CHRND: variants seen among roughly 807,000 people sequenced by gnomAD.
CHRND encodes the protein acetylcholine receptor subunit delta.
Under a neutral mutation model 57.8 loss-of-function variants are expected in CHRND, and 40 were observed. The ratio of observed to expected loss-of-function variants is 0.69; its 90% CI spans 0.54 to 0.90. The LOEUF is 0.90. Among genes scored for constraint, CHRND ranks in the 40% least tolerant of loss-of-function variants. CHRND has a pLI of 0.00. For missense variants in CHRND, 634 were observed against 673.9 expected (o/e 0.94, Z 0.66); for synonymous variants, 237 against 270.6 (o/e 0.88, Z 1.22).
In CHRND at chr2:232,535,490, AC is replaced by A; in HGVS notation, c.*181del. On this transcript the variant is annotated 3_prime_UTR_variant, in exon 12 of 12. Coordinates refer to ENST00000258385, the MANE Select transcript of CHRND (RefSeq NM_000751.3). ...CTCCCCTGAAATCAAGACAGGGGCC[AC>A]CCGAGATGGTCTGAGGGTGGACATC... The A allele has an allele frequency of 1.2e-6, 1 of 815,124 alleles. No individual in the cohort carries two copies. The highest frequency in any genetic ancestry group is 2.0e-6 in the Non-Finnish European group (1 of 491,204). 50.5% of individuals were successfully genotyped at this position (815,124 alleles called of 1,614,324 possible). A position where few individuals can be genotyped will look rare whatever the true frequency, so the allele number is the denominator to read the frequency against.
chr2:232,533,196 T>G (rs1029337264), intron 9 of CHRND, among the ~76,000 whole-genome samples: 1 of 152,138 alleles, frequency 6.6e-6, no homozygotes, highest in Non-Finnish European at 1.5e-5. Context: ...AATTTTTGTA[T>G]TTTTAGTAGC....
rs138609765 is a variant in CHRND at position 232,526,260 on chromosome 2, G to T, written c.45G>T (p.Ala15=). The change falls in exon 1 of 12, where the codon GCG becomes GCT. Residue 15 remains alanine, a synonymous_variant. Transcript: ENST00000258385. Reference sequence around the variant, plus strand: ...CACTGGGGCTGCTGGCTGCCCTGGCGGTGTGTGGTAAGGGAAGACACCCTC... The same window carrying T: ...CACTGGGGCTGCTGGCTGCCCTGGCTGTGTGTGGTAAGGGAAGACACCCTC... The part of the protein sequence containing the change: ...VLTLGLLAAL[A]VCGSWGLNEE... 1 of 1,612,904 alleles carries T rather than the reference G, an allele frequency of 6.2e-7. No homozygotes were observed. The highest frequency in any genetic ancestry group is 8.5e-7 in the Non-Finnish European group (1 of 1,179,762).
chr2:232,529,068 A>G (rs1313949301), intron 6 of CHRND, 97 bp downstream of exon 6: 1 of 828,798 alleles, frequency 1.2e-6, no homozygotes, highest in Non-Finnish European at 2.1e-6. Context: ...GCACACACAC[A>G]CACACTTAGG....
intron 3 of CHRND, among the ~76,000 whole-genome samples, chr2:232,527,876 G>A (rs1405578827): frequency 6.6e-6 from 1 of 152,210 alleles, no homozygotes; most frequent in East Asian, 1.9e-4. Flanking sequence ...TCCCTACAGG[G>A]AAGCCCCAGG....
Position 232,536,620 on chromosome 2 carries a change from C to T in CHRND, c.*1308C>T, listed in dbSNP as rs1436899978. On this transcript the variant is annotated 3_prime_UTR_variant, in exon 12 of 12. Transcript: ENST00000258385. ...GCTAAGTGACTCCTGGATTCCTGAC[C>T]CCCAGAAACTGTGTGAGATAATAAA... is the stretch of plus-strand genomic sequence containing the variant. 8.2e-6 allele frequency: 3 copies of T among 365,656 alleles called. No homozygotes were observed. The highest frequency in any genetic ancestry group is 4.3e-5 in the African/African-American group (2 of 46,896). The allele number at this position is 365,656 out of a possible 1,614,324, so 22.7% of individuals were successfully genotyped here. A position where few individuals can be genotyped will look rare whatever the true frequency, so the allele number is the denominator to read the frequency against.
rs1377040258 is a variant in CHRND, at chr2:232,531,655, AG to A, written c.1047+1del. 1.2e-6 allele frequency: 2 copies of A among 1,612,334 alleles called. No individual in the cohort carries two copies. The highest frequency in any genetic ancestry group is 1.7e-6 in the Non-Finnish European group (2 of 1,179,428). On this transcript the variant is annotated frameshift_variant and splice_region_variant, in exon 9 of 12. Coordinates refer to ENST00000258385, the MANE Select transcript of CHRND (RefSeq NM_000751.3). LOFTEE classifies it high-confidence loss of function. ...CATGTGCTGTCTGAGGGGGTCAAGA[AG>A]GTGAGTACTTGGCCCGGCGCAAAAG... ...STHVLSEGVK[K>X]LFLETLPELL...
rs147466830 is a variant in CHRND at position 232,535,660 on chromosome 2, C to T, written c.*348C>T. On this transcript the variant is annotated 3_prime_UTR_variant, in exon 12 of 12. Coordinates refer to ENST00000258385, the MANE Select transcript of CHRND (RefSeq NM_000751.3). ...GGCCCCTTCTCTGCTTCTCCTCCCC[C>T]AAGGTGTGGGGTAGAGCAGGCAGGA... The T allele has an allele frequency of 2.0e-6, 1 of 496,154 alleles. No individual in the cohort carries two copies. The highest frequency in any genetic ancestry group is 3.9e-6 in the Non-Finnish European group (1 of 255,278). 30.7% of individuals were successfully genotyped at this position (496,154 alleles called of 1,614,324 possible).
At chr2:232,533,407 AT>A (rs2106213749) in intron 9 of CHRND, among the ~76,000 whole-genome samples, 1 of 152,244 alleles carries the variant, frequency 6.6e-6, no homozygotes, top group East Asian at 1.9e-4. Flanking sequence ...TTAATTAATC[AT>A]TTTTAGTGAA....
rs1691889757 is a variant in CHRND, at chr2:232,536,265, A to T, written c.*953A>T. On this transcript the variant is annotated 3_prime_UTR_variant, in exon 12 of 12. Coordinates refer to ENST00000258385, the MANE Select transcript of CHRND (RefSeq NM_000751.3). The stretch of plus-strand genomic sequence containing the variant: ...CCCTTGTGCAGTCCCCTCACTCTGT[A>T]CCAGGGTGGGTCTGGGTAACCAATA... 2.2e-6 allele frequency: 1 copy of T among 453,980 alleles called. No individual in the cohort carries two copies. The highest frequency in any genetic ancestry group is 2.0e-5 in the African/African-American group (1 of 49,994). The allele number at this position is 453,980 out of a possible 1,614,324, so 28.1% of individuals were successfully genotyped here. A position where few individuals can be genotyped will look rare whatever the true frequency, so the allele number is the denominator to read the frequency against.
intron 9 of CHRND, among the ~76,000 whole-genome samples, chr2:232,533,233 T>A (rs1357363789): frequency 2.6e-5 from 4 of 152,190 alleles, no homozygotes; most frequent in Non-Finnish European, 5.9e-5. Context: ...TTGGCCATGC[T>A]GGTCTCGAAC....
In CHRND at chr2:232,526,234, A is replaced by C. The variant is rs1691455697; in HGVS notation, c.19A>C (p.Thr7Pro). The change falls in exon 1 of 12, where the codon ACA becomes CCA. Residue 7 changes from threonine (T) to proline (P), a missense_variant. Transcript: ENST00000258385. ...GGATGGGATGGAGGGGCCAGTGCTG[A>C]CACTGGGGCTGCTGGCTGCCCTGGC... Reference protein sequence around the residue: MEGPVLTLGLLAALAVC... With the variant: MEGPVLPLGLLAALAVC... 1 of 1,611,558 alleles carries C rather than the reference A, an allele frequency of 6.2e-7. No individual in the cohort carries two copies. Among genetic ancestry groups the C allele is most frequent in the East Asian group, 2.2e-5 (1 of 44,742 alleles).
chr2:232,528,586 T>G lies in CHRND; in HGVS notation c.439T>G (p.Phe147Val). Residue 147 changes from phenylalanine to valine, a missense_variant, in exon 5 of 12, where the codon TTC becomes GTC. Physicochemically the swap from Phe to Val is conservative, Grantham distance 50 (BLOSUM62 -1). Coordinates refer to ENST00000258385, the MANE Select transcript of CHRND (RefSeq NM_000751.3). ...CGTGTACTGGCTGCCACCTGCCATC[T>G]TCCGCTCCTCCTGCCCCATCTCTGT... Reference protein sequence around the residue: ...GFVYWLPPAIFRSSCPISVTY... With the variant: ...GFVYWLPPAIVRSSCPISVTY... 6.2e-7 allele frequency: 1 copy of G among 1,614,162 alleles called. No homozygotes were observed. The highest frequency in any genetic ancestry group is 8.5e-7 in the Non-Finnish European group (1 of 1,180,028).
In CHRND at chr2:232,531,525, T is replaced by C; in HGVS notation, c.933-17T>C. 6.2e-7 allele frequency: 1 copy of C among 1,613,026 alleles called. No individual in the cohort carries two copies. The highest frequency in any genetic ancestry group is 1.1e-5 in the South Asian group (1 of 91,062). Reference sequence around the variant, plus strand: ...CAGCCCAGCCCTGGGAGCTCCAAGCTGAGTGTTTGCCCACAGGTTCCTGCT... The same window carrying C: ...CAGCCCAGCCCTGGGAGCTCCAAGCCGAGTGTTTGCCCACAGGTTCCTGCT... On this transcript the variant is annotated splice_polypyrimidine_tract_variant and intron_variant, in intron 8 of 11. Transcript: ENST00000258385.
intron 7 of CHRND, among the ~76,000 whole-genome samples, chr2:232,530,363 C>T (rs1189633254): frequency 6.6e-6 from 1 of 152,222 alleles, no homozygotes; most frequent in African/African-American, 2.4e-5. Context: ...CTCCAAGATG[C>T]TACTTCCCAC....
At position 232,535,651 on chromosome 2, in the gene CHRND, C is replaced by T. The variant is rs1265094675; in HGVS notation, c.*339C>T. 2.0e-6 allele frequency: 1 copy of T among 506,728 alleles called. No homozygotes were observed. The highest frequency in any genetic ancestry group is 3.8e-6 in the Non-Finnish European group (1 of 262,086). The allele number at this position is 506,728 out of a possible 1,614,324, so 31.4% of individuals were successfully genotyped here. On this transcript the variant is annotated 3_prime_UTR_variant, in exon 12 of 12. Coordinates refer to ENST00000258385, the MANE Select transcript of CHRND (RefSeq NM_000751.3). Reference sequence around the variant, plus strand: ...GACAGATAGGGCCCCTTCTCTGCTTCTCCTCCCCCAAGGTGTGGGGTAGAG... The same window carrying T: ...GACAGATAGGGCCCCTTCTCTGCTTTTCCTCCCCCAAGGTGTGGGGTAGAG...
rs1229087958 is a variant in CHRND, at chr2:232,535,843, T to C, written c.*531T>C. The C allele has an allele frequency of 2.2e-6, 1 of 454,118 alleles. No individual in the cohort carries two copies. Among genetic ancestry groups the C allele is most frequent in the Non-Finnish European group, 4.4e-6 (1 of 226,810 alleles). The allele number at this position is 454,118 out of a possible 1,614,324, so 28.1% of individuals were successfully genotyped here. A position where few individuals can be genotyped will look rare whatever the true frequency, so the allele number is the denominator to read the frequency against. ...CTAGCTCTTTCTGCCTTGACCTCTC[T>C]GCCTAGGTCCCTTTGGGAAGTTGAG... On this transcript the variant is annotated 3_prime_UTR_variant, in exon 12 of 12. Coordinates refer to ENST00000258385, the MANE Select transcript of CHRND (RefSeq NM_000751.3).
chr2:232,534,411 A>C, intron 11 of CHRND, 69 bp downstream of exon 11: 3 of 1,491,942 alleles, frequency 2.0e-6, no homozygotes, highest in Non-Finnish European at 1.9e-6. Flanking sequence ...TTCTATCTTA[A>C]GAGGGCAGGG....
chr2:232,526,194 A>C lies in CHRND; in HGVS notation c.-22A>C. The C allele has an allele frequency of 6.2e-7, 1 of 1,601,564 alleles. No individual in the cohort carries two copies. Among genetic ancestry groups the C allele is most frequent in the South Asian group, 1.1e-5 (1 of 90,700 alleles). On this transcript the variant is annotated 5_prime_UTR_variant, in exon 1 of 12. Coordinates refer to ENST00000258385, the MANE Select transcript of CHRND (RefSeq NM_000751.3). ...CCCTGTAGACAGGAGGGGCAGATGC[A>C]CGTCCCAGTCAGAGGGATGGGATGG...
intron 7 of CHRND, among the ~76,000 whole-genome samples, chr2:232,530,813 G>A (rs1441904645): frequency 2.0e-5 from 3 of 152,186 alleles, no homozygotes; most frequent in Non-Finnish European, 2.9e-5. Context: ...GGGCTGAAGG[G>A]ACCTCAGCAG....
Sources: allele counts gnomAD v4.1 joint callset (sites outside exome capture counted in the v4.1 genomes callset), GRCh38; gene constraint gnomAD v4.1.1; transcripts MANE v1.5; gene names NCBI Gene and HGNC (gene_info 2026-07-23, HGNC 2026-07-21).